Variants in DNAH14 observed in about 807,000 individuals in gnomAD.
DNAH14 encodes the protein axonemal beta dynein heavy chain 14.
A neutral mutation model predicts 520.9 loss-of-function variants in DNAH14; 478 were observed. The observed-to-expected ratio is 0.92, with a 90% CI of 0.85 to 0.99. The LOEUF (loss-of-function observed/expected upper bound fraction) is 0.99, where lower values mean the gene tolerates loss of function less well. Ranked by LOEUF, DNAH14 falls within the 50% of genes least tolerant of loss-of-function variation. DNAH14 has a pLI of 0.00. For missense variants in DNAH14, 4,831 were observed against 5,234.5 expected, an observed-to-expected ratio of 0.92 and a Z score of 2.38; for synonymous variants, 1,581 against 1,757.2, an observed-to-expected ratio of 0.90 and a Z score of 2.51.
chr1:224,945,783 C>T (rs1489881374), intron 1 of DNAH14, among the ~76,000 whole-genome samples: 17 of 152,408 alleles, frequency 1.1e-4, no homozygotes, highest in Admixed American at 6.5e-4. Flanking sequence ...TGGGTATCAG[C>T]AGCAGAGGCC....
intron 12 of DNAH14, among the ~76,000 whole-genome samples, chr1:225,042,291 G>A (rs976778217): frequency 6.6e-6 from 1 of 152,140 alleles, no homozygotes. Flanking sequence ...GAGAACCCAA[G>A]CCCAGACAGA....
chr1:225,014,727 A>C (rs1456206537), intron 10 of DNAH14, among the ~76,000 whole-genome samples: 1 of 152,176 alleles, frequency 6.6e-6, no homozygotes, highest in African/African-American at 2.4e-5. Context: ...ATGGTCAATC[A>C]TGGAGAATGT....
intron 10 of DNAH14, among the ~76,000 whole-genome samples, chr1:225,008,694 G>T (rs2064419328): frequency 6.7e-6 from 1 of 150,296 alleles, no homozygotes. Context: ...CAAAGTGCTG[G>T]GATTACAGGC....
intron 36 of DNAH14, among the ~76,000 whole-genome samples, chr1:225,181,855 T>C (rs2084048748): frequency 6.6e-6 from 1 of 152,128 alleles, no homozygotes; most frequent in Non-Finnish European, 1.5e-5. Flanking sequence ...TTCTATTCTG[T>C]CCTGTCATTC....
chr1:224,961,951 C>G (rs2060872419), intron 4 of DNAH14, among the ~76,000 whole-genome samples: 1 of 151,930 alleles, frequency 6.6e-6, no homozygotes, highest in Non-Finnish European at 1.5e-5. Flanking sequence ...ATTTGCTTCC[C>G]TCATTTAGCT....
At chr1:225,190,223 A>T (rs996640495) in intron 37 of DNAH14, among the ~76,000 whole-genome samples, 11 of 151,742 alleles carry the variant, frequency 7.2e-5, no homozygotes. Flanking sequence ...ATGACAACTA[A>T]TGAAATAGAA....
intron 71 of DNAH14, among the ~76,000 whole-genome samples, chr1:225,351,223 A>G (rs932115622): frequency 6.6e-6 from 1 of 152,110 alleles, no homozygotes; most frequent in Non-Finnish European, 1.5e-5. Context: ...CCTGGCCAAC[A>G]TGGCAAAAAA....
chr1:225,223,221 A>G (rs1237164157), intron 41 of DNAH14, among the ~76,000 whole-genome samples: 1 of 152,228 alleles, frequency 6.6e-6, no homozygotes, highest in African/African-American at 2.4e-5. Flanking sequence ...CAAGATCGAC[A>G]AAACAATCAG....
chr1:224,939,637 T>C (rs1558454847), intron 1 of DNAH14, among the ~76,000 whole-genome samples: 1 of 152,070 alleles, frequency 6.6e-6, no homozygotes, highest in Non-Finnish European at 1.5e-5. Context: ...TGAGCCGAGA[T>C]TGTGCCACTG....
At chr1:225,303,783 C>T (rs2094184673) in intron 57 of DNAH14, among the ~76,000 whole-genome samples, 1 of 152,188 alleles carries the variant, frequency 6.6e-6, no homozygotes, top group Non-Finnish European at 1.5e-5. Context: ...TATGAGCCAA[C>T]AGTAAGAAAG....
At chr1:225,023,115 G>C (rs1488429143) in intron 10 of DNAH14, among the ~76,000 whole-genome samples, 1 of 151,828 alleles carries the variant, frequency 6.6e-6, no homozygotes, top group Non-Finnish European at 1.5e-5. Context: ...GGAAGGTATG[G>C]GTTAAAAGGC....
At chr1:224,990,005 CTG>C (rs2062923458) in intron 8 of DNAH14, among the ~76,000 whole-genome samples, 3 of 143,488 alleles carry the variant, frequency 2.1e-5, no homozygotes, top group Non-Finnish European at 4.4e-5. Context: ...GAATGATGGT[CTG>C]TGTTGTTGTT....
At chr1:224,969,950 G>T (rs2061408797) in intron 7 of DNAH14, 1 of 152,120 alleles carries the variant, frequency 6.6e-6, no homozygotes, top group South Asian at 2.1e-4. Flanking sequence ...TAGAGCATGT[G>T]TGTTTGAACA....
chr1:225,325,193 A>G (rs2094633645), intron 64 of DNAH14, among the ~76,000 whole-genome samples: 1 of 151,850 alleles, frequency 6.6e-6, no homozygotes, highest in Non-Finnish European at 1.5e-5. Flanking sequence ...CTTTAAAAAA[A>G]ACTGTACTTT....
At chr1:225,398,916 C>A in intron 85 of DNAH14, 138 bp from the exon 86 acceptor site, 1 of 828,428 alleles carries the variant, frequency 1.2e-6, no homozygotes, top group Non-Finnish European at 1.8e-6. Context: ...ATAATTTCCA[C>A]ATGCTGTTAC....
At chr1:225,121,607 G>A (rs1161094958) in intron 26 of DNAH14, among the ~76,000 whole-genome samples, 1 of 152,000 alleles carries the variant, frequency 6.6e-6, no homozygotes, top group African/African-American at 2.4e-5. Context: ...TTGGGAGGCC[G>A]AGGTGGGTGG....
intron 1 of DNAH14, among the ~76,000 whole-genome samples, chr1:224,942,841 C>A (rs942273025): frequency 2.0e-5 from 3 of 152,066 alleles, no homozygotes; most frequent in African/African-American, 7.2e-5. Flanking sequence ...GCCTTGCATC[C>A]CAGGGATGAA....
At chr1:224,961,482 A>G (rs577449592) in intron 4 of DNAH14, among the ~76,000 whole-genome samples, 18 of 152,266 alleles carry the variant, frequency 1.2e-4, no homozygotes, top group Middle Eastern at 6.8e-3. Flanking sequence ...GGGAGGCCTC[A>G]GAAAACTTAC....
intron 17 of DNAH14, among the ~76,000 whole-genome samples, chr1:225,054,224 A>C (rs1342419942): frequency 1.3e-5 from 2 of 152,222 alleles, no homozygotes; most frequent in East Asian, 3.8e-4. Context: ...GAAATATAAA[A>C]GCAGCTAATT....
Sources: gnomAD v4.1 joint callset for allele counts (sites outside exome capture counted in the v4.1 genomes callset) on GRCh38, gnomAD v4.1.1 for gene constraint, MANE v1.5 for transcripts, NCBI Gene and HGNC (gene_info 2026-07-23, HGNC 2026-07-21) for gene names.